PROM1: variants seen among roughly 807,000 people sequenced by gnomAD.
The protein encoded by PROM1 is prominin 1.
PROM1 carries 105 observed loss-of-function variants against 116.9 expected under a neutral mutation model. The ratio of observed to expected loss-of-function variants is 0.90; its 90% CI spans 0.77 to 1.06. The LOEUF is 1.06. PROM1 is among the 50% of genes least tolerant of loss of function. PROM1 has a pLI of 0.00. For missense variants in PROM1, 1,122 were observed against 1,045.2 expected (o/e 1.07, Z -1.01); for synonymous variants, 393 against 387.0 (o/e 1.02, Z -0.18).
At chr4:16,019,823 C>T (rs2149312631) in intron 8 of PROM1, among the ~76,000 whole-genome samples, 1 of 152,138 alleles carries the variant, frequency 6.6e-6, no homozygotes, top group Admixed American at 6.5e-5. Context: ...CTGGCTTCCC[C>T]ACCCTTTCCT....
At chr4:16,048,876 A>G (rs1172796535) in intron 2 of PROM1, among the ~76,000 whole-genome samples, 1 of 152,210 alleles carries the variant, frequency 6.6e-6, no homozygotes, top group Admixed American at 6.5e-5. Flanking sequence ...CATGTGGTAC[A>G]GCCCAGCCCG....
In PROM1 at chr4:15,998,507, T is replaced by C. The variant is rs1447089789; in HGVS notation, c.1579-19A>G. On this transcript the variant is annotated intron_variant, in intron 14 of 27. Coordinates refer to ENST00000447510, the MANE Select transcript of PROM1 (RefSeq NM_006017.3). Reference sequence around the variant, plus strand: ...CCAAAACCTAGAACACATTAGGAAGTATTTTCGAAAAATCAGTTTTACACT... The same window carrying C: ...CCAAAACCTAGAACACATTAGGAAGCATTTTCGAAAAATCAGTTTTACACT... 1 of 1,559,648 alleles carries C rather than the reference T, an allele frequency of 6.4e-7. No individual in the cohort carries two copies. The highest frequency in any genetic ancestry group is 1.3e-5 in the South Asian group (1 of 79,324).
intron 6 of PROM1, among the ~76,000 whole-genome samples, chr4:16,024,701 G>A (rs1045035335): frequency 3.3e-5 from 5 of 151,828 alleles, no homozygotes; most frequent in African/African-American, 9.6e-5. Flanking sequence ...GTATGTGTAC[G>A]TGTGTGTGTG....
chr4:16,053,620 G>A (rs1035432427), intron 2 of PROM1, among the ~76,000 whole-genome samples: 7 of 152,206 alleles, frequency 4.6e-5, no homozygotes, highest in East Asian at 1.9e-4. Context: ...GCACGCTGTG[G>A]TGGGAGGGAA....
Position 15,977,016 on chromosome 4 carries a change from C to T in PROM1, c.2582+2379G>A, listed in dbSNP as rs576017102. On this transcript the variant is annotated intron_variant, in intron 26 of 27. Transcript: ENST00000447510. ...TGATTAGCCCAGTGTGGGCAACTCCCTACAGGCCATGCTTGATCCAGAGCT... is the reference window on the plus strand; with the variant it reads ...TGATTAGCCCAGTGTGGGCAACTCCTTACAGGCCATGCTTGATCCAGAGCT... Among the ~76,000 whole-genome samples, 6 of 152,308 alleles carry T rather than the reference C, an allele frequency of 3.9e-5. No individual in the cohort carries two copies. The South Asian group carries it at 6.2e-4, about 16-fold the overall frequency.
intron 15 of PROM1, among the ~76,000 whole-genome samples, chr4:15,995,171 C>G (rs552164980): frequency 6.6e-6 from 1 of 152,222 alleles, no homozygotes; most frequent in South Asian, 2.1e-4. Context: ...GGGCACTGGA[C>G]ACTTGTTAGC....
At chr4:16,035,432 A>G (rs1202543359) in intron 4 of PROM1, among the ~76,000 whole-genome samples, 2 of 152,232 alleles carry the variant, frequency 1.3e-5, no homozygotes, top group African/African-American at 4.8e-5. Context: ...GTTACTGACT[A>G]AATATCAGGC....
intron 15 of PROM1, among the ~76,000 whole-genome samples, chr4:15,996,497 G>A (rs550708584): frequency 4.6e-4 from 68 of 148,744 alleles, no homozygotes; most frequent in African/African-American, 1.1e-3. Context: ...GTGATAGAGC[G>A]AGACTCCATC....
At chr4:16,071,682 A>G (rs567390528) in intron 2 of PROM1, among the ~76,000 whole-genome samples, 2 of 152,186 alleles carry the variant, frequency 1.3e-5, no homozygotes, top group Non-Finnish European at 2.9e-5. Context: ...ACAAGCCAGA[A>G]AGTGAGCCTT....
intron 17 of PROM1, among the ~76,000 whole-genome samples, chr4:15,991,884 C>T (rs577905081): frequency 8.8e-4 from 117 of 133,654 alleles, no homozygotes; most frequent in African/African-American, 3.2e-3. Context: ...TGCAGTGAGC[C>T]GAGATTGCGC....
At chr4:15,975,575 T>C (rs62288713) in intron 26 of PROM1, among the ~76,000 whole-genome samples, 2,504 of 152,254 alleles carry the variant, frequency 0.016, 34 homozygotes, top group Admixed American at 0.036. Context: ...CTCAAGGACA[T>C]TAAATAGCAC....
chr4:16,026,982 T>G (rs1351351297), intron 5 of PROM1, among the ~76,000 whole-genome samples: 1 of 152,124 alleles, frequency 6.6e-6, no homozygotes, highest in Non-Finnish European at 1.5e-5. Flanking sequence ...GTTTAGATCT[T>G]TAGGTGTAAT....
At chr4:16,064,573 T>C (rs1191434949) in intron 2 of PROM1, among the ~76,000 whole-genome samples, 2 of 152,210 alleles carry the variant, frequency 1.3e-5, no homozygotes, top group Non-Finnish European at 2.9e-5. Context: ...ACACGTAATT[T>C]TTCTGTATGC....
At chr4:15,981,025 G>A (rs557867375) in intron 23 of PROM1, among the ~76,000 whole-genome samples, 29 of 151,222 alleles carry the variant, frequency 1.9e-4, no homozygotes, top group African/African-American at 6.8e-4. Context: ...GCAGTGGTGC[G>A]ATCTCGGCTC....
chr4:15,988,585 T>G (rs576490223), intron 19 of PROM1, among the ~76,000 whole-genome samples: 1 of 152,324 alleles, frequency 6.6e-6, no homozygotes, highest in South Asian at 2.1e-4. Flanking sequence ...GCAGGGTCCC[T>G]AGTTTGCCAA....
intron 26 of PROM1, 84 bp from the exon 27 acceptor site, chr4:15,971,166 T>C: frequency 8.3e-7 from 1 of 1,207,610 alleles, no homozygotes; most frequent in South Asian, 1.4e-5. Flanking sequence ...GAAGCAGGCA[T>C]GTGACTAAAG....
chr4:15,990,522 G>A (rs1185801370), intron 18 of PROM1, among the ~76,000 whole-genome samples: 1 of 152,168 alleles, frequency 6.6e-6, no homozygotes, highest in African/African-American at 2.4e-5. Flanking sequence ...CTACACAGCA[G>A]GAAAACAACC....
At chr4:16,077,017 T>C (rs913975540) in intron 1 of PROM1, among the ~76,000 whole-genome samples, 2 of 152,166 alleles carry the variant, frequency 1.3e-5, no homozygotes, top group African/African-American at 4.8e-5. Context: ...TTTCTCCCCA[T>C]GTGATAGTCT....
intron 2 of PROM1, among the ~76,000 whole-genome samples, chr4:16,049,414 T>A (rs1162163339): frequency 6.6e-6 from 1 of 152,158 alleles, no homozygotes; most frequent in Non-Finnish European, 1.5e-5. Flanking sequence ...GGGAAATGAT[T>A]TTCCTTATAT....
Sources: allele counts gnomAD v4.1 joint callset (sites outside exome capture counted in the v4.1 genomes callset), GRCh38; gene constraint gnomAD v4.1.1; transcripts MANE v1.5; gene names NCBI Gene and HGNC (gene_info 2026-07-23, HGNC 2026-07-21).